The following SLC5A8 variants were observed in gnomAD, a reference collection of about 807,000 sequenced individuals.
SLC5A8 encodes the protein solute carrier family 5 member 8.
In SLC5A8, 55 loss-of-function variants were observed where a neutral mutation model predicts 71.9. The ratio of observed to expected loss-of-function variants is 0.77; its 90% CI spans 0.62 to 0.96. SLC5A8 has a LOEUF of 0.96. Ranked by LOEUF, SLC5A8 falls within the 40% of genes least tolerant of loss-of-function variation. The pLI, the probability that SLC5A8 is intolerant of heterozygous loss-of-function variation, is 0.00. For missense variants in SLC5A8, 701 were observed against 745.3 expected (o/e 0.94, Z 0.69); for synonymous variants, 307 against 276.1 (o/e 1.11, Z -1.11).
intron 10 of SLC5A8, among the ~76,000 whole-genome samples, chr12:101,171,305 T>C (rs2051827635): frequency 6.6e-6 from 1 of 152,192 alleles, no homozygotes; most frequent in Admixed American, 6.5e-5. Context: ...TGCTTCATAC[T>C]GCTAAGTTTG....
intron 4 of SLC5A8, among the ~76,000 whole-genome samples, chr12:101,194,507 C>T (rs888645126): frequency 1.3e-5 from 2 of 152,140 alleles, no homozygotes; most frequent in Non-Finnish European, 2.9e-5. Flanking sequence ...TCTTTGCTGC[C>T]CAAGCGGGAG....
chr12:101,197,313 G>A (rs1031107842), intron 3 of SLC5A8, among the ~76,000 whole-genome samples: 4 of 152,104 alleles, frequency 2.6e-5, no homozygotes, highest in African/African-American at 7.2e-5. Flanking sequence ...CATTTTATAA[G>A]CCTCAATGAA....
chr12:101,175,491 G>A (rs1470001999), intron 10 of SLC5A8, among the ~76,000 whole-genome samples: 1 of 151,922 alleles, frequency 6.6e-6, no homozygotes, highest in Non-Finnish European at 1.5e-5. Context: ...AAGAAGCTGA[G>A]TAACCCTAAA....
At chr12:101,167,862 T>A (rs1476528563) in intron 11 of SLC5A8, among the ~76,000 whole-genome samples, 2 of 152,204 alleles carry the variant, frequency 1.3e-5, no homozygotes, top group Admixed American at 6.5e-5. Context: ...AGTTATATTA[T>A]GAATATTTAA....
chr12:101,194,616 C>T (rs1199483487), intron 4 of SLC5A8, among the ~76,000 whole-genome samples: 1 of 152,062 alleles, frequency 6.6e-6, no homozygotes, highest in African/African-American at 2.4e-5. Flanking sequence ...CAGGTGTATG[C>T]CACCATGCCT....
chr12:101,176,941 G>A (rs1019425833), intron 10 of SLC5A8, among the ~76,000 whole-genome samples: 6 of 151,850 alleles, frequency 4.0e-5, no homozygotes, highest in African/African-American at 1.2e-4. Flanking sequence ...AAATCAATGA[G>A]TGAAAACAGA....
At chr12:101,163,981 C>T (rs2051745733) in intron 12 of SLC5A8, among the ~76,000 whole-genome samples, 1 of 152,110 alleles carries the variant, frequency 6.6e-6, no homozygotes, top group East Asian at 1.9e-4. Flanking sequence ...GATTACACTT[C>T]CTCAATGGAA....
intron 3 of SLC5A8, among the ~76,000 whole-genome samples, chr12:101,196,871 C>T (rs957864505): frequency 6.6e-6 from 1 of 152,186 alleles, no homozygotes; most frequent in African/African-American, 2.4e-5. Flanking sequence ...GGCCACTCAA[C>T]AGCCTAATTA....
intron 14 of SLC5A8, among the ~76,000 whole-genome samples, chr12:101,157,649 G>T (rs2051678296): frequency 6.6e-6 from 1 of 151,744 alleles, no homozygotes; most frequent in South Asian, 2.1e-4. Context: ...TAATATCAGA[G>T]GATAGACAGA....
intron 12 of SLC5A8, among the ~76,000 whole-genome samples, chr12:101,165,488 G>A (rs2051760509): frequency 6.6e-6 from 1 of 151,890 alleles, no homozygotes; most frequent in African/African-American, 2.4e-5. Context: ...CTCTCCACAT[G>A]TCCTTGCCCC....
intron 7 of SLC5A8, among the ~76,000 whole-genome samples, chr12:101,185,437 T>A (rs1033180202): frequency 1.3e-5 from 2 of 152,206 alleles, no homozygotes; most frequent in African/African-American, 4.8e-5. Flanking sequence ...CCCTCAAGTA[T>A]AGGTAGAACC....
At chr12:101,185,264 A>T (rs1450875552) in intron 7 of SLC5A8, among the ~76,000 whole-genome samples, 1 of 152,220 alleles carries the variant, frequency 6.6e-6, no homozygotes, top group African/African-American at 2.4e-5. Context: ...TGAGATCAAG[A>T]CCCAATTTTT....
chr12:101,166,456 T>C (rs2051770891), intron 12 of SLC5A8, 38 bp downstream of exon 12: 4 of 1,558,930 alleles, frequency 2.6e-6, no homozygotes, highest in South Asian at 2.4e-5. Context: ...GTTGCGTAAA[T>C]TTTTTAAAGT....
At position 101,193,857 on chromosome 12, in the gene SLC5A8, G is replaced by C. The variant is rs540259724; in HGVS notation, c.538-78C>G. 6.4e-6 allele frequency: 9 copies of C among 1,398,804 alleles called. No homozygotes were observed. In the East Asian group the frequency reaches 2.2e-4, roughly 34 times the overall value. The allele number at this position is 1,398,804 out of a possible 1,614,324, so 86.6% of individuals were successfully genotyped here. A position where few individuals can be genotyped will look rare whatever the true frequency, so the allele number is the denominator to read the frequency against. On this transcript the variant is annotated intron_variant, in intron 4 of 14. Coordinates refer to ENST00000536262, the MANE Select transcript of SLC5A8 (RefSeq NM_145913.5). ...ATCTACACACTTATACACTATACTG[G>C]AGAAAAATGATATAAACATGAATGT...
chr12:101,184,037 C>G, intron 8 of SLC5A8, 97 bp downstream of exon 8: 1 of 1,230,280 alleles, frequency 8.1e-7, no homozygotes, highest in Non-Finnish European at 1.2e-6. Flanking sequence ...CCATCTGTGT[C>G]TGTGCCCAGA....
At chr12:101,200,449 A>G (rs1360212293) in intron 3 of SLC5A8, among the ~76,000 whole-genome samples, 2 of 152,240 alleles carry the variant, frequency 1.3e-5, no homozygotes, top group African/African-American at 4.8e-5. Context: ...AAAAAGAAAG[A>G]AAGAAAAACT....
At chr12:101,171,316 A>G (rs2051827799) in intron 10 of SLC5A8, among the ~76,000 whole-genome samples, 2 of 152,182 alleles carry the variant, frequency 1.3e-5, no homozygotes, top group Non-Finnish European at 2.9e-5. Context: ...GCTAAGTTTG[A>G]CAGATAGGAC....
At chr12:101,186,878 G>T (rs1478892057) in intron 7 of SLC5A8, among the ~76,000 whole-genome samples, 3 of 152,110 alleles carry the variant, frequency 2.0e-5, no homozygotes, top group Non-Finnish European at 4.4e-5. Flanking sequence ...AATCAGGATT[G>T]CAGGGTTGTG....
At chr12:101,167,428 A>G (rs1221342023) in intron 11 of SLC5A8, among the ~76,000 whole-genome samples, 1 of 152,214 alleles carries the variant, frequency 6.6e-6, no homozygotes, top group African/African-American at 2.4e-5. Flanking sequence ...CTGCACATAC[A>G]TTATCAGTTT....
Sources: gnomAD v4.1 joint callset for allele counts (sites outside exome capture counted in the v4.1 genomes callset) on GRCh38, gnomAD v4.1.1 for gene constraint, MANE v1.5 for transcripts, NCBI Gene and HGNC (gene_info 2026-07-23, HGNC 2026-07-21) for gene names.